The following RXFP2 variants were observed in gnomAD, a reference collection of about 807,000 sequenced individuals.
RXFP2 encodes relaxin family peptide receptor 2.
In RXFP2, 68 loss-of-function variants were observed where a neutral mutation model predicts 88.6. The ratio of observed to expected loss-of-function variants is 0.77; its 90% CI spans 0.63 to 0.94. RXFP2 has a LOEUF of 0.94. Among genes scored for constraint, RXFP2 ranks in the 40% least tolerant of loss-of-function variants. The pLI, the probability that RXFP2 is intolerant of heterozygous loss-of-function variation, is 0.00. For synonymous variants in RXFP2, 329 were observed against 306.8 expected (o/e 1.07, Z -0.76); for missense variants, 791 against 893.9 (o/e 0.88, Z 1.47).
In RXFP2 at chr13:31,797,379, T is replaced by G; in HGVS notation, c.1965T>G (p.Phe655Leu). ...ATGCCATCTGCTGGATTCCTGTATT[T>G]GTAGTTAAAATCCTTTCCCTCTTCC... The part of the protein sequence containing the change: ...FSDAICWIPV[F>L]VVKILSLFRV... Residue 655 changes from phenylalanine to leucine, a missense_variant, in exon 17 of 18, where the codon TTT becomes TTG. Transcript: ENST00000298386. 3 of 1,614,170 alleles carry G rather than the reference T, an allele frequency of 1.9e-6. No individual in the cohort carries two copies.
chr13:31,751,177 G>C (rs569295353), intron 1 of RXFP2, among the ~76,000 whole-genome samples: 1 of 151,954 alleles, frequency 6.6e-6, no homozygotes, highest in African/African-American at 2.4e-5. Flanking sequence ...CTGTAATTCC[G>C]GCTACTTGGG....
intron 1 of RXFP2, among the ~76,000 whole-genome samples, chr13:31,744,495 A>C (rs1871330209): frequency 6.6e-6 from 1 of 152,174 alleles, no homozygotes; most frequent in African/African-American, 2.4e-5. Flanking sequence ...TATCTCTCCA[A>C]AGGGTTTCTG....
chr13:31,763,348 G>T (rs1019950533), intron 3 of RXFP2, among the ~76,000 whole-genome samples: 4 of 152,088 alleles, frequency 2.6e-5, no homozygotes, highest in Non-Finnish European at 5.9e-5. Flanking sequence ...GCCCCCCAAA[G>T]TGTTGGGATT....
At chr13:31,774,343 G>A (rs577103923) in intron 5 of RXFP2, among the ~76,000 whole-genome samples, 11 of 152,200 alleles carry the variant, frequency 7.2e-5, no homozygotes, top group South Asian at 6.2e-4. Context: ...CATAGTGCCA[G>A]TTTGCAGAAA....
intron 9 of RXFP2, 85 bp downstream of exon 9, chr13:31,778,668 T>C: frequency 1.0e-6 from 1 of 964,798 alleles, no homozygotes; most frequent in Non-Finnish European, 1.7e-6. Flanking sequence ...ACCTAGAAAG[T>C]CCATCTATAA....
At chr13:31,744,327 C>G (rs1304082301) in intron 1 of RXFP2, among the ~76,000 whole-genome samples, 1 of 152,190 alleles carries the variant, frequency 6.6e-6, no homozygotes, top group Non-Finnish European at 1.5e-5. Flanking sequence ...TATTTAGATT[C>G]TTTATGCACT....
intron 10 of RXFP2, among the ~76,000 whole-genome samples, chr13:31,782,237 G>A (rs1043900995): frequency 1.1e-4 from 17 of 152,056 alleles, no homozygotes; most frequent in African/African-American, 3.1e-4. Flanking sequence ...TTATGGGGGC[G>A]GGAAGGCAGA....
At chr13:31,781,536 T>G in intron 9 of RXFP2, 135 bp from the exon 10 acceptor site, 1 of 618,560 alleles carries the variant, frequency 1.6e-6, no homozygotes. Flanking sequence ...TATACTAACC[T>G]TGCAATAATT....
In RXFP2 at chr13:31,759,443, A is replaced by AAGAAAGAT. The variant is rs1452508897; in HGVS notation, c.241+1042_241+1043insAAGATAGA. Among the ~76,000 whole-genome samples, 81 of 151,268 alleles carry AAGAAAGAT rather than the reference A, an allele frequency of 5.4e-4. 1 individual carries two copies. Among genetic ancestry groups the AAGAAAGAT allele is most frequent in the African/African-American group, 1.8e-3 (73 of 41,114 alleles). ...AAAGAAAGAAAGAAAGAAAGAAAGA[A>AAGAAAGAT]AGATACTGTGAAATATTCTGGAGGG... On this transcript the variant is annotated intron_variant, in intron 2 of 17. Transcript: ENST00000298386.
At position 31,783,196 on chromosome 13, in the gene RXFP2, G is replaced by A. The variant is rs933157954; in HGVS notation, c.929+449G>A. Among the ~76,000 whole-genome samples, 14 of 152,198 alleles carry A rather than the reference G, an allele frequency of 9.2e-5. No individual in the cohort carries two copies. In the East Asian group the frequency reaches 1.5e-3, roughly 17 times the overall value. On this transcript the variant is annotated intron_variant, in intron 11 of 17. Transcript: ENST00000298386. The stretch of plus-strand genomic sequence containing the variant: ...AGAAATTATGACTTATATAGCAGGT[G>A]AAGCAAATCCCAATGCTGAGAATGA...
chr13:31,778,488 A>T (rs1566229148), intron 8 of RXFP2, 24 bp from the exon 9 acceptor site: 2 of 1,500,496 alleles, frequency 1.3e-6, no homozygotes, highest in Non-Finnish European at 1.9e-6. Context: ...TTTTATTTCT[A>T]ATTAACATTT....
chr13:31,777,569 T>C, intron 8 of RXFP2, 122 bp downstream of exon 8: 1 of 700,372 alleles, frequency 1.4e-6, no homozygotes, highest in Non-Finnish European at 2.5e-6. Flanking sequence ...TCAAAACTTC[T>C]CCTGTGTTTC....
intron 11 of RXFP2, 104 bp from the exon 12 acceptor site, chr13:31,786,279 C>A: frequency 1.1e-6 from 1 of 892,264 alleles, no homozygotes. Flanking sequence ...AAATTGGATT[C>A]ATATTTTCTG....
chr13:31,747,067 C>G (rs1272384707), intron 1 of RXFP2, among the ~76,000 whole-genome samples: 1 of 152,160 alleles, frequency 6.6e-6, no homozygotes, highest in African/African-American at 2.4e-5. Context: ...GCCACTCTTA[C>G]TGTAATAACT....
At chr13:31,743,497 G>A (rs894144809) in intron 1 of RXFP2, among the ~76,000 whole-genome samples, 2 of 151,662 alleles carry the variant, frequency 1.3e-5, no homozygotes, top group Admixed American at 6.6e-5. Flanking sequence ...TTAAAGAATT[G>A]CGATTGAAAA....
intron 9 of RXFP2, among the ~76,000 whole-genome samples, chr13:31,780,271 A>G (rs1873205065): frequency 2.0e-5 from 3 of 152,244 alleles, no homozygotes; most frequent in Non-Finnish European, 4.4e-5. Flanking sequence ...CTGAAAGGCC[A>G]GACAGGAAGA....
chr13:31,794,973 A>G (rs543879570), intron 16 of RXFP2, among the ~76,000 whole-genome samples: 1 of 152,302 alleles, frequency 6.6e-6, no homozygotes, highest in South Asian at 2.1e-4. Flanking sequence ...GCTCTAAAGT[A>G]CAATTTTTTT....
At chr13:31,795,438 C>T (rs1042957832) in intron 16 of RXFP2, among the ~76,000 whole-genome samples, 4 of 152,174 alleles carry the variant, frequency 2.6e-5, no homozygotes, top group Middle Eastern at 6.3e-3. Flanking sequence ...GTGTGAGTGA[C>T]CACACCCAGC....
chr13:31,766,259 G>A (rs1261453878), intron 5 of RXFP2, among the ~76,000 whole-genome samples: 1 of 151,846 alleles, frequency 6.6e-6, no homozygotes, highest in African/African-American at 2.4e-5. Context: ...ACTTGGAGTC[G>A]AGGTAAAACA....
Sources: gnomAD v4.1 joint callset for allele counts (sites outside exome capture counted in the v4.1 genomes callset) on GRCh38, gnomAD v4.1.1 for gene constraint, MANE v1.5 for transcripts, NCBI Gene and HGNC (gene_info 2026-07-23, HGNC 2026-07-21) for gene names.